Variants in THSD4 observed in about 807,000 individuals in gnomAD.
THSD4 encodes the protein thrombospondin type-1 domain-containing protein 4.
In THSD4, 69 loss-of-function variants were observed where a neutral mutation model predicts 119.0. The observed-to-expected ratio is 0.58, with a 90% confidence interval of 0.48 to 0.71. The LOEUF (loss-of-function observed/expected upper bound fraction) is 0.71. Among genes scored for constraint, THSD4 ranks in the 30% least tolerant of loss-of-function variants. THSD4 has a pLI of 0.00. For synonymous variants in THSD4, 524 were observed against 540.4 expected (o/e 0.97, Z 0.42); for missense variants, 1,393 against 1,391.1 (o/e 1.00, Z -0.02).
At chr15:71,234,110 C>T (rs2044082766) in intron 4 of THSD4, among the ~76,000 whole-genome samples, 1 of 152,238 alleles carries the variant, frequency 6.6e-6, no homozygotes, top group Admixed American at 6.5e-5. Flanking sequence ...AAGGGGTGAT[C>T]CACCCACTCT....
chr15:71,582,278 G>A (rs963836918), intron 7 of THSD4, among the ~76,000 whole-genome samples: 3 of 151,824 alleles, frequency 2.0e-5, no homozygotes, highest in African/African-American at 7.3e-5. Context: ...ATTTCTTTTT[G>A]GATAGTTCAT....
intron 6 of THSD4, among the ~76,000 whole-genome samples, chr15:71,338,778 G>A (rs1043142464): frequency 1.3e-5 from 2 of 152,114 alleles, no homozygotes; most frequent in African/African-American, 4.8e-5. Flanking sequence ...GGGGAAATGG[G>A]ACAAGGGAGA....
intron 8 of THSD4, among the ~76,000 whole-genome samples, chr15:71,713,504 T>TA (rs1456359839): frequency 1.3e-5 from 2 of 152,224 alleles, no homozygotes; most frequent in African/African-American, 4.8e-5. Flanking sequence ...TACAGCATCT[T>TA]ACGTTTTATT....
At chr15:71,152,975 C>T (rs2040739540) in intron 2 of THSD4, among the ~76,000 whole-genome samples, 1 of 152,182 alleles carries the variant, frequency 6.6e-6, no homozygotes, top group African/African-American at 2.4e-5. Context: ...CCATGTCTTT[C>T]CATGGTGCTA....
intron 3 of THSD4, among the ~76,000 whole-genome samples, chr15:71,169,044 A>G (rs1432688436): frequency 6.6e-6 from 1 of 152,254 alleles, no homozygotes; most frequent in Non-Finnish European, 1.5e-5. Context: ...GATGTTTACA[A>G]CAATATATTT....
chr15:71,296,395 A>G (rs1203480669), intron 6 of THSD4, among the ~76,000 whole-genome samples: 5 of 152,172 alleles, frequency 3.3e-5, no homozygotes, highest in Non-Finnish European at 4.4e-5. Context: ...GGTAATTCAG[A>G]TACATCTGGT....
At chr15:71,629,355 G>A (rs778698589) in intron 7 of THSD4, among the ~76,000 whole-genome samples, 6 of 152,276 alleles carry the variant, frequency 3.9e-5, no homozygotes, top group South Asian at 4.2e-4. Flanking sequence ...GACAGTAGAG[G>A]AGACCCAAAC....
intron 7 of THSD4, among the ~76,000 whole-genome samples, chr15:71,587,578 T>A (rs1254671674): frequency 9.1e-6 from 1 of 110,484 alleles, no homozygotes; most frequent in Non-Finnish European, 2.1e-5. Flanking sequence ...AACAATGAGA[T>A]TACATGGACA....
At chr15:71,444,658 CT>C (rs2047154663) in intron 7 of THSD4, among the ~76,000 whole-genome samples, 1 of 152,172 alleles carries the variant, frequency 6.6e-6, no homozygotes, top group African/African-American at 2.4e-5. Context: ...TGAGTGACAC[CT>C]CCACTCAATG....
intron 7 of THSD4, among the ~76,000 whole-genome samples, chr15:71,447,208 C>A (rs1381850229): frequency 6.7e-6 from 1 of 149,960 alleles, no homozygotes; most frequent in Non-Finnish European, 1.5e-5. Context: ...GCAATCTCCA[C>A]CTCTTGGGTT....
intron 7 of THSD4, among the ~76,000 whole-genome samples, chr15:71,439,273 T>C (rs1177342239): frequency 6.6e-6 from 1 of 152,238 alleles, no homozygotes; most frequent in Non-Finnish European, 1.5e-5. Context: ...ATCCATCTTC[T>C]AATGGCTTGA....
intron 7 of THSD4, among the ~76,000 whole-genome samples, chr15:71,595,929 C>G (rs2049899649): frequency 6.6e-6 from 1 of 152,214 alleles, no homozygotes; most frequent in African/African-American, 2.4e-5. Context: ...ATCGATTTGA[C>G]TGAGAGACAT....
intron 16 of THSD4, among the ~76,000 whole-genome samples, chr15:71,768,805 G>GCTCGAT (rs900073214): frequency 2.0e-5 from 3 of 149,582 alleles, no homozygotes; most frequent in Admixed American, 2.0e-4. Flanking sequence ...GACCTCCTCA[G>GCTCGAT]CTTCTGACCT....
At chr15:71,710,604 T>C (rs2052491424) in intron 8 of THSD4, among the ~76,000 whole-genome samples, 1 of 152,202 alleles carries the variant, frequency 6.6e-6, no homozygotes. Context: ...CTCATCTGGC[T>C]CATACGGTAT....
intron 6 of THSD4, among the ~76,000 whole-genome samples, chr15:71,365,819 C>T (rs1249903314): frequency 1.3e-5 from 2 of 152,192 alleles, no homozygotes; most frequent in Non-Finnish European, 2.9e-5. Context: ...CAGGTAGTCT[C>T]ATGACTTTTT....
chr15:71,326,440 G>T (rs1240352127), intron 6 of THSD4, among the ~76,000 whole-genome samples: 1 of 151,600 alleles, frequency 6.6e-6, no homozygotes, highest in Admixed American at 6.6e-5. Flanking sequence ...ACTTTGGGAG[G>T]CCAAGGCGGG....
Position 71,774,207 on chromosome 15 carries a change from A to C in THSD4, c.2914+2999A>C, listed in dbSNP as rs535934311. On this transcript the variant is annotated intron_variant, in intron 17 of 17. Transcript: ENST00000261862. ...ATGCCTATAGTCCCAGCTACTTGGA[A>C]GGCTGAGGTGGGAGAATCACCTGAG... Among the ~76,000 whole-genome samples, 432 of 151,252 alleles carry C rather than the reference A, an allele frequency of 2.9e-3. 3 individuals are homozygous for C. Among genetic ancestry groups the C allele is most frequent in the Non-Finnish European group, 5.0e-3 (340 of 67,888 alleles).
intron 8 of THSD4, among the ~76,000 whole-genome samples, chr15:71,694,080 G>A (rs2052112293): frequency 6.6e-6 from 1 of 152,092 alleles, no homozygotes; most frequent in African/African-American, 2.4e-5. Context: ...GAGCAGAGGT[G>A]AGCATAAAGA....
intron 14 of THSD4, among the ~76,000 whole-genome samples, chr15:71,754,353 G>A (rs1167150034): frequency 6.6e-6 from 1 of 152,102 alleles, no homozygotes; most frequent in Non-Finnish European, 1.5e-5. Context: ...GCCTCCGAAA[G>A]TGCTGGGATT....
Sources: allele counts gnomAD v4.1 joint callset (sites outside exome capture counted in the v4.1 genomes callset), GRCh38; gene constraint gnomAD v4.1.1; transcripts MANE v1.5; gene names NCBI Gene and HGNC (gene_info 2026-07-23, HGNC 2026-07-21).